Variants in MED25 observed in about 807,000 individuals in gnomAD.
MED25 encodes the protein mediator of RNA polymerase II transcription subunit 25.
A neutral mutation model predicts 89.4 loss-of-function variants in MED25; 62 were observed. That is an observed-to-expected ratio of 0.69 (90% CI 0.57 to 0.86). The LOEUF is 0.86. Ranked by LOEUF, MED25 falls within the 40% of genes least tolerant of loss-of-function variation. The pLI, the probability that MED25 is intolerant of heterozygous loss-of-function variation, is 0.00. For synonymous variants in MED25, 449 were observed against 427.9 expected, an observed-to-expected ratio of 1.05 and a Z score of -0.61; for missense variants, 905 against 1,005.2, an observed-to-expected ratio of 0.90 and a Z score of 1.35.
At position 49,819,299 on chromosome 19, in the gene MED25, G is replaced by A. The variant is rs746682441; in HGVS notation, c.305+3G>A. On this transcript the variant is annotated splice_donor_region_variant and intron_variant, in intron 3 of 17. Coordinates refer to ENST00000312865, the MANE Select transcript of MED25 (RefSeq NM_030973.4). ...GTCACCTGGCTCGATGGCATTAAGT[G>A]AGCTTTCCCCCACTTGGGGTGGGTT... 6.6e-7 allele frequency: 1 copy of A among 1,519,352 alleles called. No homozygotes were observed. The highest frequency in any genetic ancestry group is 1.9e-5 in the Admixed American group (1 of 52,642). 94.1% of individuals were successfully genotyped at this position (1,519,352 alleles called of 1,614,324 possible). A position where few individuals can be genotyped will look rare whatever the true frequency, so the allele number is the denominator to read the frequency against.
rs1219247533 is a variant in MED25 at position 49,831,432 on chromosome 19, G to A, written c.1201G>A (p.Ala401Thr). 4 of 1,612,408 alleles carry A rather than the reference G, an allele frequency of 2.5e-6. No individual in the cohort carries two copies. Among genetic ancestry groups the A allele is most frequent in the Non-Finnish European group, 3.4e-6 (4 of 1,179,392 alleles). ...GQQSVSNKLL[A>T]WSGVLEWQEK... ...GCAGTCAGTCTCCAATAAGCTTCTG[G>A]CCTGGAGCGGGGTCCTGGAGTGGCA... Residue 401 changes from alanine to threonine, a missense_variant, in exon 10 of 18, where the codon GCC becomes ACC. Transcript: ENST00000312865. The surrounding 1 kb of genome is among the most constrained non-coding windows in gnomAD (Gnocchi z 5.0).
At position 49,829,531 on chromosome 19, in the gene MED25, G is replaced by C. The variant is rs948260095; in HGVS notation, c.526-255G>C. Among the ~76,000 whole-genome samples the C allele has an allele frequency of 6.6e-6, 1 of 152,084 alleles. No homozygotes were observed. The highest frequency in any genetic ancestry group is 1.5e-5 in the Non-Finnish European group (1 of 68,014). The stretch of plus-strand genomic sequence containing the variant: ...TGGCCTCATGTGATCTGCCTGACTC[G>C]GTCTCACAAAATCCTGGGATTACAG... On this transcript the variant is annotated intron_variant, in intron 5 of 17. Coordinates refer to ENST00000312865, the MANE Select transcript of MED25 (RefSeq NM_030973.4). This position sits in a 1 kb window ranked among gnomAD's most constrained non-coding sequence, Gnocchi z 4.6.
chr19:49,837,265 G>C (rs1244259711), downstream of MED25, among the ~76,000 whole-genome samples: 1 of 152,274 alleles, frequency 6.6e-6, no homozygotes, highest in Non-Finnish European at 1.5e-5. Context: ...TCTTGAAAGA[G>C]AATCAGCCGT....
chr19:49,836,802 C>A lies in MED25; in HGVS notation c.2147-45C>A, dbSNP rs890580353. 5.3e-6 allele frequency: 8 copies of A among 1,500,976 alleles called. No individual in the cohort carries two copies. The Admixed American group carries it at 8.6e-5, about 16-fold the overall frequency. 93.0% of individuals were successfully genotyped at this position (1,500,976 alleles called of 1,614,324 possible). A position where few individuals can be genotyped will look rare whatever the true frequency, so the allele number is the denominator to read the frequency against. On this transcript the variant is annotated intron_variant, in intron 17 of 17. Coordinates refer to ENST00000312865, the MANE Select transcript of MED25 (RefSeq NM_030973.4). The surrounding 1 kb of genome is among the most constrained non-coding windows in gnomAD (Gnocchi z 5.1). ...TAGTGCCTCTGGGCCCTCCTGGGCC[C>A]AAGGGCCTACTGGGAGATGCAGTCC...
chr19:49,828,229 A>G (rs1430794178), intron 3 of MED25, among the ~76,000 whole-genome samples: 2 of 130,200 alleles, frequency 1.5e-5, no homozygotes, highest in Non-Finnish European at 3.2e-5. Context: ...ACTCCATCTC[A>G]AAAAAAAAAA....
In MED25 at chr19:49,836,796, T is replaced by C. The variant is rs1467409123; in HGVS notation, c.2147-51T>C. 1.4e-6 allele frequency: 2 copies of C among 1,442,196 alleles called. No homozygotes were observed. The highest frequency in any genetic ancestry group is 3.5e-5 in the Admixed American group (2 of 57,112). The allele number at this position is 1,442,196 out of a possible 1,614,324, so 89.3% of individuals were successfully genotyped here. Reference sequence around the variant, plus strand: ...AAAACTTAGTGCCTCTGGGCCCTCCTGGGCCCAAGGGCCTACTGGGAGATG... The same window carrying C: ...AAAACTTAGTGCCTCTGGGCCCTCCCGGGCCCAAGGGCCTACTGGGAGATG... On this transcript the variant is annotated intron_variant, in intron 17 of 17. Coordinates refer to ENST00000312865, the MANE Select transcript of MED25 (RefSeq NM_030973.4). The surrounding 1 kb of genome is among the most constrained non-coding windows in gnomAD (Gnocchi z 5.1).
At chr19:49,837,166 C>T (rs1443480477), downstream of MED25, among the ~76,000 whole-genome samples, 1 of 152,196 alleles carries the variant, frequency 6.6e-6, no homozygotes. Flanking sequence ...GACAGGCAGG[C>T]AGCGCTCAGG....
intron 3 of MED25, among the ~76,000 whole-genome samples, chr19:49,825,114 T>G (rs540932696): frequency 6.6e-6 from 1 of 152,356 alleles, no homozygotes; most frequent in East Asian, 1.9e-4. Flanking sequence ...TCCACATTTC[T>G]TTGACAAAAT....
In MED25 at chr19:49,836,058, C is replaced by T. The variant is rs1379627247; in HGVS notation, c.1965+113C>T. ...TGGTCAGTGGGTGTGAATGGGGACC[C>T]GCCCAGGGCTTTAGGCAGAAGGCAG... On this transcript the variant is annotated intron_variant, in intron 16 of 17. Coordinates refer to ENST00000312865, the MANE Select transcript of MED25 (RefSeq NM_030973.4). The surrounding 1 kb of genome is among the most constrained non-coding windows in gnomAD (Gnocchi z 5.1). 1.2e-5 allele frequency: 18 copies of T among 1,549,026 alleles called. No individual in the cohort carries two copies. The highest frequency in any genetic ancestry group is 2.4e-5 in the East Asian group (1 of 41,180).
chr19:49,836,054 G>T lies in MED25; in HGVS notation c.1965+109G>T. 6.4e-7 allele frequency: 1 copy of T among 1,551,802 alleles called. No individual in the cohort carries two copies. On this transcript the variant is annotated intron_variant, in intron 16 of 17. Transcript: ENST00000312865. The surrounding 1 kb of genome is among the most constrained non-coding windows in gnomAD (Gnocchi z 5.1). ...ACTGTGGTCAGTGGGTGTGAATGGG[G>T]ACCCGCCCAGGGCTTTAGGCAGAAG...
At chr19:49,840,025 A>G (rs2074123417), downstream of MED25, 1 of 152,246 alleles carries the variant, frequency 6.6e-6, no homozygotes, top group Non-Finnish European at 1.5e-5. Flanking sequence ...TGTCCTGAAT[A>G]TCTGTGTTTG....
chr19:49,832,023 T>TA lies in MED25; in HGVS notation c.1316+3dup. ...CTACGTGAATCATGGCGAGAACCTG[T>TA]AGGTGACAGTCAGGGGCGGGGTGTG... On this transcript the variant is annotated splice_region_variant and intron_variant, in intron 11 of 17. Transcript: ENST00000312865. 3.1e-6 allele frequency: 5 copies of TA among 1,613,944 alleles called. No individual in the cohort carries two copies. Among genetic ancestry groups the TA allele is most frequent in the Non-Finnish European group, 4.2e-6 (5 of 1,179,948 alleles).
chr19:49,820,508 A>G (rs1187172207), intron 3 of MED25, among the ~76,000 whole-genome samples: 1 of 152,236 alleles, frequency 6.6e-6, no homozygotes, highest in Non-Finnish European at 1.5e-5. Context: ...TACTTCTTAG[A>G]TAAAACAGAA....
chr19:49,823,867 T>A (rs2073999200), intron 3 of MED25, among the ~76,000 whole-genome samples: 1 of 152,108 alleles, frequency 6.6e-6, no homozygotes, highest in African/African-American at 2.4e-5. Context: ...TTGTAGGATG[T>A]TTAACATCAT....
At position 49,835,902 on chromosome 19, in the gene MED25, G is replaced by T; in HGVS notation, c.1922G>T (p.Gly641Val). The T allele has an allele frequency of 6.2e-7, 1 of 1,612,844 alleles. No homozygotes were observed. Among genetic ancestry groups the T allele is most frequent in the Non-Finnish European group, 8.5e-7 (1 of 1,179,950 alleles). ...PGPILRPQNP[G>V]ANPQLRSLLL... ...CCCATCCTTCGGCCCCAGAACCCTGGGGCCAACCCTCAGCTGCGAAGCCTC... is the reference window on the plus strand; with the variant it reads ...CCCATCCTTCGGCCCCAGAACCCTGTGGCCAACCCTCAGCTGCGAAGCCTC... The change falls in exon 16 of 18, where the codon GGG (glycine) becomes GTG (valine). Residue 641 changes from glycine to valine, a missense_variant. Physicochemically the swap from Gly to Val is moderately radical, Grantham distance 109. This residue lies in a region of MED25 where 271 missense variants were observed against 258.1 expected (regional missense o/e 1.05). Transcript: ENST00000312865. This position sits in a 1 kb window ranked among gnomAD's most constrained non-coding sequence, Gnocchi z 6.2.
Position 49,830,585 on chromosome 19 carries a change from G to C in MED25, c.894G>C (p.Gly298=). 6.2e-7 allele frequency: 1 copy of C among 1,614,168 alleles called. No individual in the cohort carries two copies. Among genetic ancestry groups the C allele is most frequent in the Non-Finnish European group, 8.5e-7 (1 of 1,180,010 alleles). The change falls in exon 8 of 18, where the codon GGG becomes GGC. Residue 298 remains glycine (G), a synonymous_variant. Transcript: ENST00000312865. This position sits in a 1 kb window ranked among gnomAD's most constrained non-coding sequence, Gnocchi z 4.6. ...AVEAAKNQKA[G]LGPRFSPITP... Reference sequence around the variant, plus strand: ...AGGCTGCCAAGAACCAGAAGGCTGGGCTGGGCCCTCGCTGTGAGTCCTGGA... The same window carrying C: ...AGGCTGCCAAGAACCAGAAGGCTGGCCTGGGCCCTCGCTGTGAGTCCTGGA...
chr19:49,819,326 C>T, intron 3 of MED25, 30 bp downstream of exon 3: 1 of 1,103,294 alleles, frequency 9.1e-7, no homozygotes, highest in Non-Finnish European at 1.2e-6. Flanking sequence ...GGGTGGGTTG[C>T]TGGTCCCTGT....
At chr19:49,828,634 C>T in intron 4 of MED25, 87 bp downstream of exon 4, 1 of 1,146,734 alleles carries the variant, frequency 8.7e-7, no homozygotes, top group South Asian at 1.2e-5. Flanking sequence ...TACCTCCAGC[C>T]TCACCCTGTA....
Position 49,831,850 on chromosome 19 carries a change from T to C in MED25, c.1231-86T>C. 1.6e-6 allele frequency: 2 copies of C among 1,256,930 alleles called. No individual in the cohort carries two copies. The highest frequency in any genetic ancestry group is 2.3e-6 in the Non-Finnish European group (2 of 858,028). 77.9% of individuals were successfully genotyped at this position (1,256,930 alleles called of 1,614,324 possible). On this transcript the variant is annotated intron_variant, in intron 10 of 17. Coordinates refer to ENST00000312865, the MANE Select transcript of MED25 (RefSeq NM_030973.4). This position sits in a 1 kb window ranked among gnomAD's most constrained non-coding sequence, Gnocchi z 5.0. ...CTTAAACTGGGGAACATCCTGAGCT[T>C]TGGGGCTACCAGGGTAGGACATGAG...
Sources: allele counts gnomAD v4.1 joint callset (sites outside exome capture counted in the v4.1 genomes callset), GRCh38; gene constraint gnomAD v4.1.1; regional missense constraint gnomAD v4.1.1; non-coding constraint Gnocchi (gnomAD v3.1); transcripts MANE v1.5; gene names NCBI Gene and HGNC (gene_info 2026-07-23, HGNC 2026-07-21).